The following BMAL1 variants were observed in gnomAD, a reference collection of about 807,000 sequenced individuals.
BMAL1 encodes the protein basic helix-loop-helix ARNT-like protein 1.
the BMAL1 span, among the ~76,000 whole-genome samples, chr11:13,355,981 A>G: frequency 3.3e-5 from 5 of 152,208 alleles, no homozygotes; most frequent in East Asian, 9.6e-4. Context: ...TATGGATTGG[A>G]GAAGGCGGTG....
At chr11:13,339,290 T>G in the BMAL1 span, among the ~76,000 whole-genome samples, 3 of 152,144 alleles carry the variant, frequency 2.0e-5, no homozygotes, top group Non-Finnish European at 4.4e-5. Flanking sequence ...CACATCCCAT[T>G]GATCAGCACA....
chr11:13,290,485 C>T, the BMAL1 span, among the ~76,000 whole-genome samples: 1 of 152,080 alleles, frequency 6.6e-6, no homozygotes, highest in South Asian at 2.1e-4. Flanking sequence ...AGCATGCTGT[C>T]CAGGTAATAC....
At chr11:13,315,536 G>A in the BMAL1 span, among the ~76,000 whole-genome samples, 5 of 152,316 alleles carry the variant, frequency 3.3e-5, no homozygotes, top group South Asian at 6.2e-4. Context: ...CTGAGGCCTC[G>A]ACCCATTGAG....
At chr11:13,284,198 G>GTGTATA in the BMAL1 span, among the ~76,000 whole-genome samples, 18 of 71,836 alleles carry the variant, frequency 2.5e-4, 1 homozygote, top group African/African-American at 1.6e-3. Flanking sequence ...ATATATGTGT[G>GTGTATA]TATATATATA....
chr11:13,367,725 A>AG, the BMAL1 span, among the ~76,000 whole-genome samples: 1 of 151,526 alleles, frequency 6.6e-6, no homozygotes, highest in Non-Finnish European at 1.5e-5. Context: ...AAAAAAAAAA[A>AG]AAGAATGAGA....
chr11:13,360,231 T>G, the BMAL1 span: 24 of 863,026 alleles, frequency 2.8e-5, no homozygotes, highest in East Asian at 5.1e-4. Flanking sequence ...ACAATAAAAT[T>G]TAAATACCAG....
At chr11:13,386,794 AG>A in the BMAL1 span, 1 of 1,600,440 alleles carries the variant, frequency 6.2e-7, no homozygotes, top group Non-Finnish European at 8.5e-7. Flanking sequence ...ATAGTATCAA[AG>A]TGCATTACTG....
chr11:13,326,066 G>C, the BMAL1 span, among the ~76,000 whole-genome samples: 2 of 151,914 alleles, frequency 1.3e-5, no homozygotes, highest in African/African-American at 2.4e-5. Context: ...AGCTGGGTGT[G>C]GTGGCACACG....
chr11:13,296,954 G>A, the BMAL1 span, among the ~76,000 whole-genome samples: 2 of 152,166 alleles, frequency 1.3e-5, no homozygotes, highest in African/African-American at 4.8e-5. Context: ...AGGAGTTCTT[G>A]GTACCTGGGT....
chr11:13,334,530 T>G, the BMAL1 span, among the ~76,000 whole-genome samples: 1 of 150,324 alleles, frequency 6.7e-6, no homozygotes, highest in Non-Finnish European at 1.5e-5. Context: ...CTCTTGATGT[T>G]TTTTTTTTTT....
chr11:13,357,482 C>T, the BMAL1 span, among the ~76,000 whole-genome samples: 4 of 152,194 alleles, frequency 2.6e-5, no homozygotes, highest in African/African-American at 4.8e-5. The surrounding 1 kb of genome is among the most constrained non-coding windows in gnomAD (Gnocchi z 4.8). Context: ...TATTGCACTG[C>T]GAGTTGCAAC....
chr11:13,384,822 G>A, the BMAL1 span, among the ~76,000 whole-genome samples: 1 of 151,958 alleles, frequency 6.6e-6, no homozygotes, highest in Non-Finnish European at 1.5e-5. Context: ...ACATGTAGCG[G>A]GTTTATTACA....
the BMAL1 span, among the ~76,000 whole-genome samples, chr11:13,295,301 T>C: frequency 2.7e-5 from 4 of 148,648 alleles, no homozygotes; most frequent in African/African-American, 9.8e-5. Flanking sequence ...ATTCTAGTGG[T>C]AGAGGGAGAG....
chr11:13,355,470 G>T, the BMAL1 span, among the ~76,000 whole-genome samples: 1 of 152,164 alleles, frequency 6.6e-6, no homozygotes, highest in Non-Finnish European at 1.5e-5. Flanking sequence ...GTGTTCTAAG[G>T]CCTCTGTCAT....
the BMAL1 span, among the ~76,000 whole-genome samples, chr11:13,298,669 A>T: frequency 6.6e-6 from 1 of 152,204 alleles, no homozygotes; most frequent in African/African-American, 2.4e-5. Flanking sequence ...GTTTGGATGC[A>T]CAAAGGTAAA....
At chr11:13,346,171 C>T in the BMAL1 span, among the ~76,000 whole-genome samples, 1 of 152,252 alleles carries the variant, frequency 6.6e-6, no homozygotes, top group East Asian at 1.9e-4. Flanking sequence ...GACAGAGGAA[C>T]ACATGTTAAA....
At chr11:13,305,329 G>A in the BMAL1 span, among the ~76,000 whole-genome samples, 6 of 152,316 alleles carry the variant, frequency 3.9e-5, no homozygotes, top group African/African-American at 1.4e-4. Flanking sequence ...CTAGCTGAGA[G>A]AAATGATAGT....
chr11:13,365,993 C>T, the BMAL1 span, among the ~76,000 whole-genome samples: 1 of 152,102 alleles, frequency 6.6e-6, no homozygotes, highest in South Asian at 2.1e-4. Context: ...TCTATTGAAC[C>T]TCAGTTTACT....
chr11:13,300,422 G>A, the BMAL1 span, among the ~76,000 whole-genome samples: 1 of 152,188 alleles, frequency 6.6e-6, no homozygotes, highest in Non-Finnish European at 1.5e-5. Context: ...TACTTAAAAT[G>A]CTAGGAATCA....
Sources: gnomAD v4.1 joint callset for allele counts (sites outside exome capture counted in the v4.1 genomes callset) on GRCh38, gnomAD v4.1.1 for gene constraint, Gnocchi (gnomAD v3.1) non-coding constraint, MANE v1.5 for transcripts, NCBI Gene and HGNC (gene_info 2026-07-23, HGNC 2026-07-21) for gene names.